Variants in BBX observed in about 807,000 individuals in gnomAD.
The protein encoded by BBX is HMG box transcription factor BBX.
In BBX, 30 loss-of-function variants were observed where a neutral mutation model predicts 100.2. That is an observed-to-expected ratio of 0.30 (90% confidence interval 0.22 to 0.41). The LOEUF is 0.41. Ranked by LOEUF, BBX falls within the 10% of genes least tolerant of loss-of-function variation. The pLI is 1.00. For synonymous variants in BBX, 376 were observed against 388.1 expected (o/e 0.97, Z 0.37); for missense variants, 1,023 against 1,129.8 (o/e 0.91, Z 1.35).
intron 3 of BBX, among the ~76,000 whole-genome samples, chr3:107,681,032 T>C (rs181599909): frequency 1.3e-5 from 2 of 152,306 alleles, no homozygotes; most frequent in African/African-American, 4.8e-5. Context: ...CTTCCTGTAA[T>C]GCTTTTCAAA....
intron 10 of BBX, among the ~76,000 whole-genome samples, chr3:107,756,433 TA>T (rs1323288139): frequency 2.6e-5 from 4 of 152,186 alleles, no homozygotes; most frequent in South Asian, 2.1e-4. Context: ...AATCTCTTAC[TA>T]AATTTTTTTT....
At chr3:107,590,217 A>G (rs2053202542) in intron 2 of BBX, among the ~76,000 whole-genome samples, 1 of 152,196 alleles carries the variant, frequency 6.6e-6, no homozygotes, top group Non-Finnish European at 1.5e-5. Context: ...TAACATGGTT[A>G]AGCAGAAATT....
chr3:107,765,103 A>T (rs1391970900), intron 10 of BBX, among the ~76,000 whole-genome samples: 1 of 152,258 alleles, frequency 6.6e-6, no homozygotes, highest in Non-Finnish European at 1.5e-5. Flanking sequence ...CACTTAGAGC[A>T]AAACAGTCTA....
intron 10 of BBX, among the ~76,000 whole-genome samples, chr3:107,766,689 A>G (rs950622688): frequency 2.0e-5 from 3 of 152,224 alleles, no homozygotes; most frequent in African/African-American, 4.8e-5. Flanking sequence ...CATTTGACCC[A>G]GCAATCCCAT....
intron 3 of BBX, among the ~76,000 whole-genome samples, chr3:107,666,676 A>C (rs978502194): frequency 8.5e-5 from 13 of 152,076 alleles, no homozygotes; most frequent in Non-Finnish European, 1.9e-4. Flanking sequence ...GATTCAAGCA[A>C]TTCTCCTGCC....
intron 4 of BBX, among the ~76,000 whole-genome samples, chr3:107,711,832 T>C (rs550579068): frequency 1.3e-5 from 2 of 152,246 alleles, no homozygotes; most frequent in East Asian, 1.9e-4. Flanking sequence ...CTCCTGTTTC[T>C]CTTCCTTCTT....
chr3:107,799,792 C>T (rs918867195), intron 16 of BBX, among the ~76,000 whole-genome samples: 19 of 152,176 alleles, frequency 1.2e-4, no homozygotes, highest in Non-Finnish European at 2.8e-4. Flanking sequence ...TGTCTGTTTG[C>T]TGTTCCTGGT....
intron 3 of BBX, among the ~76,000 whole-genome samples, chr3:107,671,522 A>G (rs2107922267): frequency 6.6e-6 from 1 of 151,994 alleles, no homozygotes; most frequent in Middle Eastern, 3.4e-3. Context: ...ACAAGCTGAG[A>G]AAAAAAAGTC....
intron 3 of BBX, among the ~76,000 whole-genome samples, chr3:107,697,884 G>A (rs891562879): frequency 6.6e-6 from 1 of 151,948 alleles, no homozygotes; most frequent in Non-Finnish European, 1.5e-5. Context: ...GCCAGGTGTG[G>A]GTTATAATCT....
chr3:107,696,085 T>G (rs2060575158), intron 3 of BBX, among the ~76,000 whole-genome samples: 1 of 151,848 alleles, frequency 6.6e-6, no homozygotes, highest in Non-Finnish European at 1.5e-5. Context: ...TGAGCCTATG[T>G]GTGTCTCTGC....
chr3:107,698,120 C>G (rs536673440), intron 3 of BBX, among the ~76,000 whole-genome samples: 1 of 151,746 alleles, frequency 6.6e-6, no homozygotes, highest in African/African-American at 2.4e-5. Flanking sequence ...GAGATGAACC[C>G]GGTACCTCAG....
In BBX at chr3:107,778,489, G is replaced by A. The variant is rs1219191158; in HGVS notation, c.2173G>A (p.Val725Met). The A allele has an allele frequency of 1.2e-6, 2 of 1,613,080 alleles. No individual in the cohort carries two copies. The highest frequency in any genetic ancestry group is 2.7e-5 in the African/African-American group (2 of 74,834). The change falls in exon 13 of 18, where the codon GTG (valine) becomes ATG (methionine). Residue 725 changes from valine (V) to methionine (M), a missense_variant. Transcript: ENST00000325805. ...VPRKKKKTGN[V>M]SSEPTKTSKG... ...AAGAAAAAAGAAGAAGACTGGAAAT[G>A]TGTCCTCAGAACCGACTAAAACCAG...
At chr3:107,663,259 T>C (rs536353676) in intron 3 of BBX, among the ~76,000 whole-genome samples, 1 of 152,322 alleles carries the variant, frequency 6.6e-6, no homozygotes, top group African/African-American at 2.4e-5. Context: ...CCTATTATGC[T>C]ACCTTCTCTA....
At chr3:107,552,345 A>G (rs1449278812) in intron 2 of BBX, among the ~76,000 whole-genome samples, 1 of 63,036 alleles carries the variant, frequency 1.6e-5, no homozygotes, top group Admixed American at 2.2e-4. Context: ...ACCCTGTTTC[A>G]TTAAAAAAAA....
Position 107,655,276 on chromosome 3 carries a change from A to C in BBX, c.-10+9367A>C, listed in dbSNP as rs773429102. Among the ~76,000 whole-genome samples, 114 of 152,156 alleles carry C rather than the reference A, an allele frequency of 7.5e-4. 2 individuals carry two copies. Among genetic ancestry groups the C allele is most frequent in the Admixed American group, 2.6e-4 (4 of 15,276 alleles). On this transcript the variant is annotated intron_variant, in intron 3 of 17. Coordinates refer to ENST00000325805, the MANE Select transcript of BBX (RefSeq NM_001142568.3). ...GCCCAAACGTATGAAAATACTAGGA[A>C]ATAAGTCATTTGTCATTCAGTGGAT...
intron 5 of BBX, among the ~76,000 whole-genome samples, chr3:107,720,856 A>T (rs550345407): frequency 8.4e-4 from 128 of 152,152 alleles, no homozygotes; most frequent in Non-Finnish European, 1.5e-3. Context: ...TGTAAAGACC[A>T]TTCATTCCCT....
chr3:107,558,110 G>A (rs1185024777), intron 2 of BBX, among the ~76,000 whole-genome samples: 1 of 152,234 alleles, frequency 6.6e-6, no homozygotes. Context: ...AGGCAAAGAT[G>A]TGGGTTCTGC....
intron 2 of BBX, among the ~76,000 whole-genome samples, chr3:107,538,545 G>A (rs781622704): frequency 3.9e-5 from 6 of 151,978 alleles, no homozygotes; most frequent in South Asian, 2.1e-4. Flanking sequence ...ATATTTTTCC[G>A]AAAAGTTTTG....
At chr3:107,621,390 A>T (rs535815647) in intron 2 of BBX, among the ~76,000 whole-genome samples, 1 of 152,158 alleles carries the variant, frequency 6.6e-6, no homozygotes, top group African/African-American at 2.4e-5. Flanking sequence ...CTTCTTAATG[A>T]TTGTTTTATA....
Sources: gnomAD v4.1 joint callset for allele counts (sites outside exome capture counted in the v4.1 genomes callset) on GRCh38, gnomAD v4.1.1 for gene constraint, MANE v1.5 for transcripts, NCBI Gene and HGNC (gene_info 2026-07-23, HGNC 2026-07-21) for gene names.